The following ZNF148 variants were observed in gnomAD, a reference collection of about 807,000 sequenced individuals.
ZNF148 encodes zinc finger protein 148, also known as Beta-Enolase Repressor Factor-1.
ZNF148 carries 7 observed loss-of-function variants against 67.7 expected under a neutral mutation model. That is an observed-to-expected ratio of 0.10 (90% CI 0.06 to 0.19). The LOEUF (loss-of-function observed/expected upper bound fraction) is 0.19. ZNF148 is among the 10% of genes least tolerant of loss of function. The pLI, the probability that ZNF148 is intolerant of heterozygous loss-of-function variation, is 1.00. For missense variants in ZNF148, 583 were observed against 947.1 expected, an observed-to-expected ratio of 0.62 and a Z score of 5.05; for synonymous variants, 333 against 330.7, an observed-to-expected ratio of 1.01 and a Z score of -0.08.
intron 7 of ZNF148, among the ~76,000 whole-genome samples, chr3:125,255,384 T>C (rs1937030677): frequency 6.6e-6 from 1 of 151,832 alleles, no homozygotes; most frequent in Admixed American, 6.6e-5. Context: ...GTAGCTAGGA[T>C]TATAGGCATG....
At chr3:125,342,422 A>T (rs1288168982) in intron 1 of ZNF148, among the ~76,000 whole-genome samples, 3 of 152,052 alleles carry the variant, frequency 2.0e-5, no homozygotes, top group Non-Finnish European at 4.4e-5. Context: ...CACCAATTCA[A>T]ATGACACCAG....
At chr3:125,268,177 G>A (rs142643717) in intron 7 of ZNF148, among the ~76,000 whole-genome samples, 3 of 144,204 alleles carry the variant, frequency 2.1e-5, no homozygotes, top group East Asian at 2.1e-4. Context: ...CATTCCTATC[G>A]AACTACTAAT....
At position 125,227,775 on chromosome 3, in the gene ZNF148, G is replaced by A. The variant is rs1935698327; in HGVS notation, c.*4566C>T. ...ATAAAAGATACCAGTGTACTAAAAA[G>A]TGACAGAAGTGGACTAGCAAATCCT... On this transcript the variant is annotated 3_prime_UTR_variant, in exon 9 of 9. Coordinates refer to ENST00000360647, the MANE Select transcript of ZNF148 (RefSeq NM_021964.3). 1 of 152,544 alleles carries A rather than the reference G, an allele frequency of 6.6e-6. No individual in the cohort carries two copies. Among genetic ancestry groups the A allele is most frequent in the East Asian group, 1.9e-4 (1 of 5,206 alleles). The allele number at this position is 152,544 out of a possible 1,614,324, so 9.4% of individuals were successfully genotyped here. A position where few individuals can be genotyped will look rare whatever the true frequency, so the allele number is the denominator to read the frequency against.
At chr3:125,255,435 C>G (rs769774944) in intron 7 of ZNF148, among the ~76,000 whole-genome samples, 7 of 151,612 alleles carry the variant, frequency 4.6e-5, no homozygotes, top group Non-Finnish European at 1.5e-5. Context: ...TTAGTAGAGA[C>G]GGGGTTTCCC....
intron 7 of ZNF148, among the ~76,000 whole-genome samples, chr3:125,250,293 C>A (rs1416096279): frequency 1.3e-5 from 2 of 152,114 alleles, no homozygotes; most frequent in Non-Finnish European, 2.9e-5. Flanking sequence ...GTCAATTATA[C>A]CTTGATGAGG....
chr3:125,372,041 G>A (rs920654147), intron 1 of ZNF148, among the ~76,000 whole-genome samples: 9 of 148,146 alleles, frequency 6.1e-5, no homozygotes, highest in Admixed American at 1.4e-4. Context: ...TCTAGCCTGG[G>A]TGACAGAGCG....
At chr3:125,273,499 C>CTTTT (rs397690643) in intron 7 of ZNF148, among the ~76,000 whole-genome samples, 6 of 142,398 alleles carry the variant, frequency 4.2e-5, no homozygotes, top group East Asian at 2.0e-4. Flanking sequence ...GGAAGAGAAT[C>CTTTT]TTTTTTTTTT....
chr3:125,308,946 A>G (rs892948950), intron 4 of ZNF148, among the ~76,000 whole-genome samples: 2 of 152,246 alleles, frequency 1.3e-5, no homozygotes, highest in African/African-American at 2.4e-5. Flanking sequence ...GATACATTCA[A>G]CCAACATGGA....
intron 7 of ZNF148, among the ~76,000 whole-genome samples, chr3:125,237,783 C>G (rs944159318): frequency 6.6e-6 from 1 of 152,114 alleles, no homozygotes; most frequent in Non-Finnish European, 1.5e-5. Flanking sequence ...AGATTTAAAA[C>G]AGAAATTGAC....
chr3:125,233,226 T>A lies in ZNF148; in HGVS notation c.1500A>T (p.Val500=). 1 of 1,613,892 alleles carries A rather than the reference T, an allele frequency of 6.2e-7. No individual in the cohort carries two copies. Among genetic ancestry groups the A allele is most frequent in the African/African-American group, 1.3e-5 (1 of 75,032 alleles). Residue 500 remains valine (V), a synonymous_variant, in exon 9 of 9, where the codon GTA becomes GTT. Coordinates refer to ENST00000360647, the MANE Select transcript of ZNF148 (RefSeq NM_021964.3). This position sits in a 1 kb window ranked among gnomAD's most constrained non-coding sequence, Gnocchi z 5.1. ...NVGTIASQPS[V]TQAAVASVID... ...TGACACTTGCCACAGCTGCTTGTGT[T>A]ACAGAAGGCTGAGAAGCTATGGTAC...
chr3:125,311,018 C>G, intron 4 of ZNF148: 1 of 201,970 alleles, frequency 5.0e-6, no homozygotes, highest in East Asian at 1.2e-4. Context: ...ACACAGGCCA[C>G]AGGCTATGAC....
intron 1 of ZNF148, among the ~76,000 whole-genome samples, chr3:125,336,300 A>G (rs890620017): frequency 6.6e-6 from 1 of 152,228 alleles, no homozygotes; most frequent in Non-Finnish European, 1.5e-5. Context: ...TTTTAACTAG[A>G]GCACATTTTA....
Position 125,227,022 on chromosome 3 carries a change from T to C in ZNF148, c.*5319A>G, listed in dbSNP as rs1935668143. 6.6e-6 allele frequency: 1 copy of C among 152,034 alleles called. No individual in the cohort carries two copies. The highest frequency in any genetic ancestry group is 1.5e-5 in the Non-Finnish European group (1 of 67,988). The allele number at this position is 152,034 out of a possible 1,614,324, so 9.4% of individuals were successfully genotyped here. ...ATCTGATCCCGAGTTTGCAGTTGAG[T>C]CCTTCCCAATGATTTCTTAGGGAGT... On this transcript the variant is annotated 3_prime_UTR_variant, in exon 9 of 9. Coordinates refer to ENST00000360647, the MANE Select transcript of ZNF148 (RefSeq NM_021964.3).
intron 7 of ZNF148, among the ~76,000 whole-genome samples, chr3:125,261,148 A>AGCTACTCAGCTTT (rs1937317522): frequency 1.3e-5 from 2 of 152,350 alleles, no homozygotes; most frequent in East Asian, 1.9e-4. Context: ...TCTCTGTCAC[A>AGCTACTCAGCTTT]GCTACTCAGC....
At position 125,229,124 on chromosome 3, in the gene ZNF148, T is replaced by TG. The variant is rs1489278153; in HGVS notation, c.*3216dup. The TG allele has an allele frequency of 4.6e-5, 7 of 151,518 alleles. No homozygotes were observed. The highest frequency in any genetic ancestry group is 7.3e-5 in the African/African-American group (3 of 41,206). 9.4% of individuals were successfully genotyped at this position (151,518 alleles called of 1,614,324 possible). ...AGTGCTTCTTCAAGTAAATATACTGTGAAAAAAAAATGAGTTCTAGTTTAA... is the reference window on the plus strand; with the variant it reads ...AGTGCTTCTTCAAGTAAATATACTGTGGAAAAAAAAATGAGTTCTAGTTTAA... On this transcript the variant is annotated 3_prime_UTR_variant, in exon 9 of 9. Transcript: ENST00000360647.
intron 3 of ZNF148, among the ~76,000 whole-genome samples, chr3:125,314,767 G>T (rs1940401389): frequency 2.6e-5 from 4 of 152,070 alleles, no homozygotes; most frequent in Admixed American, 2.6e-4. Flanking sequence ...AAATCTAAAG[G>T]TCAAAGATTG....
chr3:125,326,161 C>T (rs1170296651), intron 2 of ZNF148, among the ~76,000 whole-genome samples: 1 of 152,048 alleles, frequency 6.6e-6, no homozygotes, highest in Non-Finnish European at 1.5e-5. Flanking sequence ...GCCCATTAAG[C>T]TGAAAGGAAA....
chr3:125,295,340 C>T (rs542384166), intron 4 of ZNF148, among the ~76,000 whole-genome samples: 1 of 152,004 alleles, frequency 6.6e-6, no homozygotes, highest in African/African-American at 2.4e-5. Flanking sequence ...GTAATCCCAG[C>T]TACTTGGGAG....
chr3:125,281,569 T>A (rs1938388924), intron 5 of ZNF148, among the ~76,000 whole-genome samples: 1 of 152,216 alleles, frequency 6.6e-6, no homozygotes, highest in Non-Finnish European at 1.5e-5. Context: ...AGAACAAATC[T>A]GGCCCAAGTT....
Sources: gnomAD v4.1 joint callset for allele counts (sites outside exome capture counted in the v4.1 genomes callset) on GRCh38, gnomAD v4.1.1 for gene constraint, Gnocchi (gnomAD v3.1) non-coding constraint, MANE v1.5 for transcripts, NCBI Gene and HGNC (gene_info 2026-07-23, HGNC 2026-07-21) for gene names.